CLIC4: variants seen among roughly 807,000 people sequenced by gnomAD.
CLIC4 encodes the protein chloride intracellular channel protein 4.
CLIC4 carries 13 observed loss-of-function variants against 24.6 expected under a neutral mutation model. The ratio of observed to expected loss-of-function variants is 0.53; its 90% confidence interval spans 0.34 to 0.84. The LOEUF (loss-of-function observed/expected upper bound fraction) is 0.84, where lower values mean the gene tolerates loss of function less well. Among genes scored for constraint, CLIC4 ranks in the 40% least tolerant of loss-of-function variants. CLIC4 has a pLI of 0.01. For synonymous variants in CLIC4, 104 were observed against 111.3 expected, an observed-to-expected ratio of 0.93 and a Z score of 0.41; for missense variants, 227 against 301.7, an observed-to-expected ratio of 0.75 and a Z score of 1.83.
chr1:24,776,996 C>A (rs533029330), intron 1 of CLIC4, among the ~76,000 whole-genome samples: 1 of 152,162 alleles, frequency 6.6e-6, no homozygotes. Context: ...ACAATGGCCT[C>A]GGGAGCCGTT....
chr1:24,762,402 G>A (rs549646354), intron 1 of CLIC4, among the ~76,000 whole-genome samples: 2 of 152,244 alleles, frequency 1.3e-5, no homozygotes, highest in South Asian at 4.1e-4. Flanking sequence ...GCCTGATGAC[G>A]GAGTGAGACT....
intron 3 of CLIC4, among the ~76,000 whole-genome samples, chr1:24,814,487 T>G (rs1419824802): frequency 1.3e-5 from 2 of 152,206 alleles, no homozygotes; most frequent in African/African-American, 4.8e-5. Flanking sequence ...AGACTGGTTA[T>G]TTGTGGACTG....
intron 1 of CLIC4, among the ~76,000 whole-genome samples, chr1:24,778,194 T>A (rs1278158172): frequency 2.6e-5 from 4 of 152,194 alleles, no homozygotes; most frequent in African/African-American, 9.7e-5. Flanking sequence ...GGTTGGTAGA[T>A]AGTATGGACC....
At chr1:24,798,970 G>A (rs570837745) in intron 2 of CLIC4, among the ~76,000 whole-genome samples, 35 of 152,372 alleles carry the variant, frequency 2.3e-4, no homozygotes, top group African/African-American at 8.4e-4. Flanking sequence ...AGGCTGGAGT[G>A]CAGTGGCGTG....
intron 1 of CLIC4, among the ~76,000 whole-genome samples, chr1:24,765,846 C>G (rs1398699013): frequency 1.5e-5 from 2 of 135,860 alleles, no homozygotes; most frequent in Admixed American, 8.4e-5. Context: ...GAGTCTCGCT[C>G]TGTGACCTAG....
intron 4 of CLIC4, among the ~76,000 whole-genome samples, chr1:24,830,226 G>A (rs1639826205): frequency 6.6e-6 from 1 of 152,066 alleles, no homozygotes; most frequent in Non-Finnish European, 1.5e-5. Flanking sequence ...CACATTACAT[G>A]ACCTCTTCAA....
At position 24,841,293 on chromosome 1, in the gene CLIC4, A is replaced by G. The variant is rs1432029706; in HGVS notation, c.*356A>G. The G allele has an allele frequency of 6.0e-6, 1 of 165,428 alleles. No homozygotes were observed. The highest frequency in any genetic ancestry group is 1.3e-5 in the Non-Finnish European group (1 of 76,826). The allele number at this position is 165,428 out of a possible 1,614,324, so 10.2% of individuals were successfully genotyped here. ...GCAGAACTTTTGAGGTGCAATGTTT[A>G]ATTGTTAAAAATAGTAGCCACGACT... is the stretch of plus-strand genomic sequence containing the variant. On this transcript the variant is annotated 3_prime_UTR_variant, in exon 6 of 6. Coordinates refer to ENST00000374379, the MANE Select transcript of CLIC4 (RefSeq NM_013943.3).
intron 1 of CLIC4, among the ~76,000 whole-genome samples, chr1:24,748,499 GTTTTTT>G (rs869153638): frequency 3.7e-5 from 3 of 80,608 alleles, no homozygotes; most frequent in Non-Finnish European, 6.6e-5. Flanking sequence ...CAGGTTTTTT[GTTTTTT>G]TTTTTTTTTT....
intron 3 of CLIC4, among the ~76,000 whole-genome samples, chr1:24,823,643 G>A (rs1429021598): frequency 6.6e-6 from 1 of 151,866 alleles, no homozygotes; most frequent in Non-Finnish European, 1.5e-5. Context: ...GCGTGGTGAC[G>A]GGCGCCTGTA....
intron 1 of CLIC4, among the ~76,000 whole-genome samples, chr1:24,759,625 C>T (rs1638894470): frequency 6.6e-6 from 1 of 152,128 alleles, no homozygotes; most frequent in Non-Finnish European, 1.5e-5. Flanking sequence ...GTATTACTGA[C>T]TCTATTACAC....
intron 2 of CLIC4, among the ~76,000 whole-genome samples, chr1:24,812,742 CAG>C (rs1639626451): frequency 6.6e-6 from 1 of 151,886 alleles, no homozygotes; most frequent in Admixed American, 6.6e-5. Context: ...TTTTTTGAGA[CAG>C]AGTATTGCTC....
intron 1 of CLIC4, among the ~76,000 whole-genome samples, chr1:24,787,871 G>T (rs1639287978): frequency 1.0e-5 from 1 of 96,666 alleles, no homozygotes; most frequent in Non-Finnish European, 2.0e-5. Context: ...TTTTTTTTTG[G>T]GAGAGACAGA....
intron 2 of CLIC4, among the ~76,000 whole-genome samples, chr1:24,805,216 G>A (rs1332927092): frequency 6.6e-6 from 1 of 150,912 alleles, no homozygotes; most frequent in Non-Finnish European, 1.5e-5. Context: ...GACATTAAAA[G>A]TAGACAGATT....
chr1:24,794,410 T>C (rs1307305061), intron 1 of CLIC4, among the ~76,000 whole-genome samples: 2 of 151,874 alleles, frequency 1.3e-5, no homozygotes, highest in South Asian at 4.1e-4. Context: ...GGTATCTCAC[T>C]GTGCTTTTGA....
intron 1 of CLIC4, among the ~76,000 whole-genome samples, chr1:24,783,672 T>C (rs1319244415): frequency 2.0e-5 from 3 of 152,080 alleles, no homozygotes; most frequent in Admixed American, 2.0e-4. Context: ...CACTGCACTC[T>C]AGCCTGGGCG....
intron 1 of CLIC4, among the ~76,000 whole-genome samples, chr1:24,747,607 C>T (rs1638718998): frequency 1.3e-5 from 2 of 148,794 alleles, no homozygotes; most frequent in African/African-American, 2.5e-5. Flanking sequence ...AACAAGTGGG[C>T]CAGAGATGAG....
chr1:24,777,458 C>G (rs576375901), intron 1 of CLIC4, among the ~76,000 whole-genome samples: 1 of 152,170 alleles, frequency 6.6e-6, no homozygotes, highest in Non-Finnish European at 1.5e-5. Flanking sequence ...GCAGGAGAAT[C>G]GCTTGAACCT....
intron 2 of CLIC4, among the ~76,000 whole-genome samples, chr1:24,807,973 G>A (rs1639570652): frequency 6.7e-6 from 1 of 149,214 alleles, no homozygotes; most frequent in Non-Finnish European, 1.5e-5. Context: ...TTTTTGAGAT[G>A]GAATTTTGCT....
intron 1 of CLIC4, among the ~76,000 whole-genome samples, chr1:24,754,878 C>T (rs1020203115): frequency 2.0e-5 from 3 of 151,714 alleles, no homozygotes; most frequent in Admixed American, 2.0e-4. Context: ...TCAAGGCCAG[C>T]CTGGCCAACA....
Sources: allele counts gnomAD v4.1 joint callset (sites outside exome capture counted in the v4.1 genomes callset), GRCh38; gene constraint gnomAD v4.1.1; transcripts MANE v1.5; gene names NCBI Gene and HGNC (gene_info 2026-07-23, HGNC 2026-07-21).